The following MYO1D variants were observed in gnomAD, a reference collection of about 807,000 sequenced individuals.
MYO1D encodes myosin ID.
Under a neutral mutation model 122.0 loss-of-function variants are expected in MYO1D, and 83 were observed. The ratio of observed to expected loss-of-function variants is 0.68; its 90% CI spans 0.57 to 0.82. The LOEUF is 0.82. Ranked by LOEUF, MYO1D falls within the 40% of genes least tolerant of loss-of-function variation. The probability of loss-of-function intolerance (pLI) is 0.00; values close to 1 mark genes in which losing one functional copy is unlikely to be tolerated. For synonymous variants in MYO1D, 464 were observed against 446.9 expected, an observed-to-expected ratio of 1.04 and a Z score of -0.48; for missense variants, 1,157 against 1,269.5, an observed-to-expected ratio of 0.91 and a Z score of 1.35.
intron 10 of MYO1D, chr17:32,759,876 C>A: frequency 4.5e-6 from 2 of 444,630 alleles, no homozygotes; most frequent in Non-Finnish European, 3.9e-6. Flanking sequence ...TAACTGAAGA[C>A]AATAAAATAC....
At chr17:32,557,628 C>T (rs1047599705) in intron 21 of MYO1D, among the ~76,000 whole-genome samples, 1 of 151,864 alleles carries the variant, frequency 6.6e-6, no homozygotes, top group African/African-American at 2.4e-5. Flanking sequence ...CCCTCACCCC[C>T]ATCCAGTAGC....
chr17:32,550,100 ATTTT>A (rs35465683), intron 21 of MYO1D, among the ~76,000 whole-genome samples: 1 of 143,084 alleles, frequency 7.0e-6, no homozygotes, highest in African/African-American at 2.6e-5. Context: ...TTGAGCTATA[ATTTT>A]TTTTTTTTTT....
chr17:32,583,893 C>T (rs762989015), intron 21 of MYO1D, among the ~76,000 whole-genome samples: 16 of 152,276 alleles, frequency 1.1e-4, no homozygotes, highest in Admixed American at 3.3e-4. Flanking sequence ...GCATGTGCCA[C>T]GTGCCCTGCT....
chr17:32,603,521 CTTTTTTTT>C (rs776245633), intron 21 of MYO1D, among the ~76,000 whole-genome samples: 1 of 99,674 alleles, frequency 1.0e-5, no homozygotes, highest in African/African-American at 3.7e-5. Flanking sequence ...ACATTCTAAA[CTTTTTTTT>C]TTTTTTTTTT....
chr17:32,529,019 A>T (rs754817464), intron 21 of MYO1D: 5 of 152,244 alleles, frequency 3.3e-5, no homozygotes, highest in Non-Finnish European at 7.3e-5. Flanking sequence ...GTGTCCTCGG[A>T]TGAGACTTCT....
intron 21 of MYO1D, among the ~76,000 whole-genome samples, chr17:32,572,109 A>G (rs1177096420): frequency 2.0e-5 from 3 of 150,182 alleles, no homozygotes; most frequent in Non-Finnish European, 2.9e-5. Context: ...TTACTTCTTG[A>G]CCACATTAAA....
chr17:32,637,345 A>C (rs1398865317), intron 20 of MYO1D, among the ~76,000 whole-genome samples: 1 of 152,240 alleles, frequency 6.6e-6, no homozygotes, highest in East Asian at 1.9e-4. Flanking sequence ...AGAAGATTAT[A>C]AGTCTATATA....
intron 7 of MYO1D, among the ~76,000 whole-genome samples, chr17:32,765,785 A>G (rs1449487583): frequency 6.6e-6 from 1 of 151,880 alleles, no homozygotes; most frequent in African/African-American, 2.4e-5. Context: ...TAATCCATCC[A>G]CAATTGATTT....
intron 20 of MYO1D, among the ~76,000 whole-genome samples, chr17:32,607,919 A>T (rs943755101): frequency 1.3e-5 from 2 of 152,212 alleles, no homozygotes; most frequent in Non-Finnish European, 2.9e-5. Context: ...GATAACTTGG[A>T]ACATTTGGAC....
At chr17:32,830,655 C>T (rs1437097631) in intron 1 of MYO1D, among the ~76,000 whole-genome samples, 1 of 152,134 alleles carries the variant, frequency 6.6e-6, no homozygotes, top group African/African-American at 2.4e-5. Context: ...GCAGAAAAAA[C>T]TCTGGGCAGA....
At chr17:32,589,312 T>C (rs2087418182) in intron 21 of MYO1D, among the ~76,000 whole-genome samples, 1 of 152,208 alleles carries the variant, frequency 6.6e-6, no homozygotes, top group South Asian at 2.1e-4. Flanking sequence ...ACTTCTCACC[T>C]TTGGGAACGT....
At chr17:32,618,174 G>C (rs1369540792) in intron 20 of MYO1D, among the ~76,000 whole-genome samples, 1 of 152,200 alleles carries the variant, frequency 6.6e-6, no homozygotes, top group African/African-American at 2.4e-5. Context: ...TGAGCTTTGA[G>C]CAGTAATGAA....
intron 21 of MYO1D, among the ~76,000 whole-genome samples, chr17:32,567,820 G>A (rs1214674967): frequency 6.6e-6 from 1 of 152,078 alleles, no homozygotes. Context: ...GGCTGTGTCC[G>A]GGTAGTTCAG....
At chr17:32,781,224 A>T (rs1243947717) in intron 1 of MYO1D, among the ~76,000 whole-genome samples, 2 of 152,224 alleles carry the variant, frequency 1.3e-5, no homozygotes, top group African/African-American at 4.8e-5. Context: ...GAACCTCACT[A>T]AAATGTTAGT....
chr17:32,704,587 T>C (rs2089284041), intron 16 of MYO1D, among the ~76,000 whole-genome samples: 1 of 152,210 alleles, frequency 6.6e-6, no homozygotes, highest in Admixed American at 6.5e-5. Flanking sequence ...ATCAAGGATA[T>C]TTAGAAATAG....
At chr17:32,800,308 T>G (rs548465412) in intron 1 of MYO1D, among the ~76,000 whole-genome samples, 2 of 152,306 alleles carry the variant, frequency 1.3e-5, no homozygotes, top group East Asian at 3.9e-4. Context: ...AACAGAGGAA[T>G]AGATTTTTAA....
intron 1 of MYO1D, among the ~76,000 whole-genome samples, chr17:32,812,558 G>A (rs1272177893): frequency 2.0e-5 from 3 of 152,186 alleles, no homozygotes; most frequent in African/African-American, 7.2e-5. Flanking sequence ...TAAGTTAGAG[G>A]AAGTCAGGAT....
chr17:32,740,563 C>T (rs562226671), intron 13 of MYO1D, among the ~76,000 whole-genome samples: 24 of 152,256 alleles, frequency 1.6e-4, no homozygotes, highest in African/African-American at 3.4e-4. Flanking sequence ...ACTGCAGCCT[C>T]GACCTTCCAG....
At chr17:32,818,125 CAAA>C (rs58466009) in intron 1 of MYO1D, among the ~76,000 whole-genome samples, 965 of 46,006 alleles carry the variant, frequency 0.021, 40 homozygotes, top group African/African-American at 0.062. Context: ...GACTCCGTCT[CAAA>C]AAAAAAAAAA....
Sources: gnomAD v4.1 joint callset for allele counts (sites outside exome capture counted in the v4.1 genomes callset) on GRCh38, gnomAD v4.1.1 for gene constraint, MANE v1.5 for transcripts, NCBI Gene and HGNC (gene_info 2026-07-23, HGNC 2026-07-21) for gene names.